The following SAMD5 variants were observed in gnomAD, a reference collection of about 807,000 sequenced individuals.
The protein encoded by SAMD5 is sterile alpha motif domain-containing protein 5.
SAMD5 carries 13 observed loss-of-function variants against 11.3 expected under a neutral mutation model. That is an observed-to-expected ratio of 1.15 (90% confidence interval 0.75 to 1.83). The LOEUF (loss-of-function observed/expected upper bound fraction) is 1.83, where lower values mean the gene tolerates loss of function less well. Among genes scored for constraint, SAMD5 ranks in the 40% most tolerant of loss-of-function variants. The pLI is 0.00. For synonymous variants in SAMD5, 129 were observed against 111.3 expected, an observed-to-expected ratio of 1.16 and a Z score of -1.00; for missense variants, 255 against 239.1, an observed-to-expected ratio of 1.07 and a Z score of -0.44.
intron 1 of SAMD5, among the ~76,000 whole-genome samples, chr6:147,689,504 T>C (rs557779944): frequency 3.9e-5 from 6 of 152,212 alleles, no homozygotes; most frequent in African/African-American, 1.4e-4. Flanking sequence ...ATATAAAACA[T>C]AGAAGTTATT....
the SAMD5 span, among the ~76,000 whole-genome samples, chr6:147,932,429 G>T: frequency 6.6e-6 from 1 of 152,052 alleles, no homozygotes; most frequent in Non-Finnish European, 1.5e-5. Context: ...GTGCAGTTAC[G>T]TCATCAGCAG....
At chr6:147,852,572 C>G in the SAMD5 span, among the ~76,000 whole-genome samples, 3 of 152,076 alleles carry the variant, frequency 2.0e-5, no homozygotes, top group Non-Finnish European at 2.9e-5. Flanking sequence ...TGATTAAATG[C>G]AAATTAATGC....
chr6:147,723,826 CT>C (rs1184444950), intron 1 of SAMD5, among the ~76,000 whole-genome samples: 6 of 152,186 alleles, frequency 3.9e-5, no homozygotes, highest in African/African-American at 1.4e-4. Context: ...CTTTGGCTCT[CT>C]GATGGACTCC....
intron 1 of SAMD5, among the ~76,000 whole-genome samples, chr6:147,661,142 C>T (rs1453595773): frequency 6.6e-6 from 1 of 151,780 alleles, no homozygotes; most frequent in Non-Finnish European, 1.5e-5. Flanking sequence ...CAAAATCTAC[C>T]AATTTTTTTT....
chr6:147,931,810 G>A, the SAMD5 span, among the ~76,000 whole-genome samples: 2 of 152,150 alleles, frequency 1.3e-5, no homozygotes, highest in African/African-American at 4.8e-5. Flanking sequence ...ATCAGAGGAG[G>A]ATGTTTGAAA....
the SAMD5 span, among the ~76,000 whole-genome samples, chr6:147,856,141 C>T: frequency 2.0e-5 from 3 of 152,094 alleles, no homozygotes; most frequent in Non-Finnish European, 4.4e-5. Context: ...ATGAACTCAA[C>T]ATAATTATGG....
intron 1 of SAMD5, among the ~76,000 whole-genome samples, chr6:147,722,800 C>A (rs1171926087): frequency 6.6e-6 from 1 of 152,126 alleles, no homozygotes; most frequent in Non-Finnish European, 1.5e-5. Flanking sequence ...GTATTAACAC[C>A]TAGAAATGAA....
downstream of SAMD5, chr6:147,741,801 A>C (rs904105148): frequency 6.6e-6 from 1 of 152,192 alleles, no homozygotes; most frequent in East Asian, 1.9e-4. Context: ...GTGTGTGTGC[A>C]TGGGGCCCTC....
At chr6:147,694,653 C>CA (rs1277954430) in intron 1 of SAMD5, among the ~76,000 whole-genome samples, 10 of 151,908 alleles carry the variant, frequency 6.6e-5, no homozygotes, top group Non-Finnish European at 1.2e-4. Context: ...CTAGTCTCTA[C>CA]AAAAAACAAA....
chr6:147,578,822 C>T (rs953753873), intron 1 of SAMD5, among the ~76,000 whole-genome samples: 2 of 151,820 alleles, frequency 1.3e-5, no homozygotes, highest in Admixed American at 6.6e-5. Context: ...ATATTTGTTA[C>T]ATATGATGAA....
the SAMD5 span, among the ~76,000 whole-genome samples, chr6:147,789,341 G>A: frequency 7.4e-4 from 109 of 146,940 alleles, no homozygotes; most frequent in African/African-American, 2.6e-3. Context: ...AAACACTACC[G>A]CACACACATA....
At chr6:147,534,249 A>G (rs1192783036) in intron 1 of SAMD5, among the ~76,000 whole-genome samples, 1 of 152,176 alleles carries the variant, frequency 6.6e-6, no homozygotes, top group Admixed American at 6.5e-5. Context: ...AAGTGAGAGC[A>G]CTTGTAGAGA....
chr6:147,643,744 A>G (rs748356038), intron 1 of SAMD5, among the ~76,000 whole-genome samples: 16 of 116,068 alleles, frequency 1.4e-4, no homozygotes, highest in East Asian at 9.9e-4. Context: ...AGGGAAGGAA[A>G]GAAGGAAGGA....
intron 1 of SAMD5, among the ~76,000 whole-genome samples, chr6:147,654,963 A>C (rs1318073619): frequency 6.6e-6 from 1 of 152,146 alleles, no homozygotes; most frequent in Non-Finnish European, 1.5e-5. Context: ...CAATGAACCC[A>C]AGTGATCAGG....
downstream of SAMD5, among the ~76,000 whole-genome samples, chr6:147,738,895 A>G (rs1791841678): frequency 6.6e-6 from 1 of 152,186 alleles, no homozygotes; most frequent in South Asian, 2.1e-4. Flanking sequence ...TTTCCTTGAC[A>G]TATTATGAAA....
chr6:147,622,102 TG>T (rs755791813), intron 1 of SAMD5, among the ~76,000 whole-genome samples: 1 of 152,196 alleles, frequency 6.6e-6, no homozygotes, highest in Non-Finnish European at 1.5e-5. Flanking sequence ...AGCTGGAGCC[TG>T]ACATTCCCAA....
At chr6:147,642,062 T>C (rs1170644408) in intron 1 of SAMD5, among the ~76,000 whole-genome samples, 1 of 152,224 alleles carries the variant, frequency 6.6e-6, no homozygotes, top group African/African-American at 2.4e-5. Flanking sequence ...TAAAACTTTC[T>C]CTTTTGTTTA....
At chr6:147,690,999 G>C (rs1409606560) in intron 1 of SAMD5, among the ~76,000 whole-genome samples, 3 of 140,634 alleles carry the variant, frequency 2.1e-5, no homozygotes, top group Admixed American at 7.1e-5. Flanking sequence ...GGGATCGGGG[G>C]TGTGGGGGTG....
At position 147,661,070 on chromosome 6, in the gene SAMD5, T is replaced by C. The variant is rs187289150; in HGVS notation, c.163-76247T>C. Among the ~76,000 whole-genome samples the C allele has an allele frequency of 1.4e-4, 22 of 152,304 alleles. No individual in the cohort carries two copies. The South Asian group carries it at 2.9e-3, about 20-fold the overall frequency. ...GGAGTATATAAATCTCCATATTGGC[T>C]ACCGGTGTGAAAGTTCTGGATGACA... On this transcript the variant is annotated intron_variant, in intron 1 of 1. Transcript: ENST00000566741.
Sources: gnomAD v4.1 joint callset for allele counts (sites outside exome capture counted in the v4.1 genomes callset) on GRCh38, gnomAD v4.1.1 for gene constraint, MANE v1.5 for transcripts, NCBI Gene and HGNC (gene_info 2026-07-23, HGNC 2026-07-21) for gene names.